Variants in CNTNAP2 observed in about 807,000 individuals in gnomAD.
CNTNAP2 encodes the protein contactin-associated protein-like 2.
Under a neutral mutation model 155.2 loss-of-function variants are expected in CNTNAP2, and 98 were observed. The observed-to-expected ratio is 0.63, with a 90% CI of 0.54 to 0.75. The LOEUF (loss-of-function observed/expected upper bound fraction) is 0.75. Among genes scored for constraint, CNTNAP2 ranks in the 30% least tolerant of loss-of-function variants. CNTNAP2 has a pLI of 0.00. For synonymous variants in CNTNAP2, 651 were observed against 631.2 expected, an observed-to-expected ratio of 1.03 and a Z score of -0.47; for missense variants, 1,727 against 1,688.1, an observed-to-expected ratio of 1.02 and a Z score of -0.40.
chr7:146,718,198 A>G (rs1252542564), intron 1 of CNTNAP2, among the ~76,000 whole-genome samples: 1 of 152,176 alleles, frequency 6.6e-6, no homozygotes, highest in African/African-American at 2.4e-5. Flanking sequence ...ACTGACCTAA[A>G]TATTTACACT....
In CNTNAP2 at chr7:146,912,926, AC is replaced by A. The variant is rs1369396748; in HGVS notation, c.402+73023del. 2.0e-5 allele frequency among the ~76,000 whole-genome samples: 3 copies of A among 152,186 alleles called. No homozygotes were observed. In the East Asian group the frequency reaches 5.8e-4, roughly 29 times the overall value. On this transcript the variant is annotated intron_variant, in intron 3 of 23. Coordinates refer to ENST00000361727, the MANE Select transcript of CNTNAP2 (RefSeq NM_014141.6). ...AACATTTGATATACTCATATGTTAT[AC>A]GACAAGTAAACATTTCATTTGCTCC...
chr7:147,767,435 A>T (rs1186262472), intron 13 of CNTNAP2, among the ~76,000 whole-genome samples: 2 of 152,084 alleles, frequency 1.3e-5, no homozygotes, highest in African/African-American at 4.8e-5. Context: ...TAAATAATGG[A>T]TGCCACAAAT....
At chr7:147,775,678 A>G (rs1027123850) in intron 13 of CNTNAP2, among the ~76,000 whole-genome samples, 7 of 151,864 alleles carry the variant, frequency 4.6e-5, no homozygotes, top group African/African-American at 1.7e-4. Context: ...ACAGCTGCTC[A>G]AAAGCTATTA....
intron 1 of CNTNAP2, among the ~76,000 whole-genome samples, chr7:146,721,114 C>T (rs1389750427): frequency 8.0e-6 from 1 of 125,188 alleles, no homozygotes; most frequent in Non-Finnish European, 1.6e-5. Context: ...TATATATATT[C>T]TCTCTATATA....
chr7:147,426,053 T>C (rs1403226417), intron 10 of CNTNAP2, among the ~76,000 whole-genome samples: 4 of 152,090 alleles, frequency 2.6e-5, no homozygotes, highest in Admixed American at 2.0e-4. Flanking sequence ...AATTTGTAAA[T>C]GGTAATTTTA....
chr7:147,233,493 C>T (rs1803730375), intron 8 of CNTNAP2, among the ~76,000 whole-genome samples: 1 of 151,662 alleles, frequency 6.6e-6, no homozygotes, highest in Non-Finnish European at 1.5e-5. Context: ...TGAACACCTA[C>T]TTTAATGATT....
intron 13 of CNTNAP2, among the ~76,000 whole-genome samples, chr7:147,777,674 C>A (rs1268302106): frequency 2.6e-5 from 4 of 152,156 alleles, no homozygotes; most frequent in Non-Finnish European, 5.9e-5. Context: ...ATAGTGGCCC[C>A]ATATATTTTC....
At chr7:147,905,914 C>A (rs2708262) in intron 14 of CNTNAP2, among the ~76,000 whole-genome samples, 123,339 of 145,892 alleles carry the variant, frequency 0.85, 52,288 homozygotes, top group East Asian at 0.96. Context: ...AACAAACAAA[C>A]AAAAAAAAAC....
intron 3 of CNTNAP2, among the ~76,000 whole-genome samples, chr7:147,009,332 CTGAT>C (rs1185178332): frequency 6.6e-6 from 1 of 152,048 alleles, no homozygotes; most frequent in Non-Finnish European, 1.5e-5. Flanking sequence ...AACCTAATGT[CTGAT>C]TGAGAAAAGG....
chr7:148,084,823 T>C (rs1426432628), intron 15 of CNTNAP2, among the ~76,000 whole-genome samples: 1 of 152,210 alleles, frequency 6.6e-6, no homozygotes, highest in African/African-American at 2.4e-5. Flanking sequence ...GAACTGACAT[T>C]GTTTGTTTAA....
At chr7:148,274,155 C>T (rs1407349981) in intron 21 of CNTNAP2, among the ~76,000 whole-genome samples, 1 of 152,100 alleles carries the variant, frequency 6.6e-6, no homozygotes, top group African/African-American at 2.4e-5. Flanking sequence ...GACTGACAAG[C>T]CTAAGACAGT....
chr7:147,060,345 A>G (rs547880419), intron 4 of CNTNAP2, among the ~76,000 whole-genome samples: 1 of 152,364 alleles, frequency 6.6e-6, no homozygotes, highest in South Asian at 2.1e-4. Context: ...TGGCAACAAC[A>G]ACAAAAATAT....
At chr7:146,456,001 T>C (rs1796549143) in intron 1 of CNTNAP2, among the ~76,000 whole-genome samples, 1 of 152,122 alleles carries the variant, frequency 6.6e-6, no homozygotes, top group Non-Finnish European at 1.5e-5. Context: ...TGATATGAAA[T>C]CTGAGCACAT....
At position 146,565,603 on chromosome 7, in the gene CNTNAP2, A is replaced by G. The variant is rs62481790; in HGVS notation, c.98-208668A>G. On this transcript the variant is annotated intron_variant, in intron 1 of 23. Transcript: ENST00000361727. ...AAAATCAGTGGAAAGCTAGTGAATAAGACTGATTAGATGCAGAAAACCACT... is the reference window on the plus strand; with the variant it reads ...AAAATCAGTGGAAAGCTAGTGAATAGGACTGATTAGATGCAGAAAACCACT... Among the ~76,000 whole-genome samples, 1,055 of 152,346 alleles carry G rather than the reference A, an allele frequency of 6.9e-3. 8 individuals are homozygous for G. The highest frequency in any genetic ancestry group is 0.013 in the Non-Finnish European group (874 of 68,030).
Position 146,933,671 on chromosome 7 carries a change from A to T in CNTNAP2, c.402+93767A>T, listed in dbSNP as rs1314053197. Among the ~76,000 whole-genome samples the T allele has an allele frequency of 2.0e-5, 3 of 149,218 alleles. No homozygotes were observed. The East Asian group carries it at 5.8e-4, about 29-fold the overall frequency. On this transcript the variant is annotated intron_variant, in intron 3 of 23. Transcript: ENST00000361727. ...CAGGCAACCTACAAAATGGGAGAAAATTTTCGCAACCTACTCATCTGACAA... is the reference window on the plus strand; with the variant it reads ...CAGGCAACCTACAAAATGGGAGAAATTTTTCGCAACCTACTCATCTGACAA...
intron 1 of CNTNAP2, among the ~76,000 whole-genome samples, chr7:146,683,529 T>C (rs988669006): frequency 4.6e-5 from 7 of 152,220 alleles, no homozygotes; most frequent in Non-Finnish European, 1.0e-4. Flanking sequence ...CATTGGAAAT[T>C]CTGTGTGTCA....
chr7:147,415,381 C>A (rs1217659169), intron 10 of CNTNAP2, among the ~76,000 whole-genome samples: 1 of 152,182 alleles, frequency 6.6e-6, no homozygotes, highest in Non-Finnish European at 1.5e-5. Flanking sequence ...ATAATCCCCA[C>A]GTGTCAAGGG....
intron 13 of CNTNAP2, among the ~76,000 whole-genome samples, chr7:147,860,664 C>G (rs1285955714): frequency 6.6e-6 from 1 of 151,966 alleles, no homozygotes; most frequent in Non-Finnish European, 1.5e-5. Context: ...TAAGACATGC[C>G]TTGATTCCCC....
intron 13 of CNTNAP2, among the ~76,000 whole-genome samples, chr7:147,743,188 T>C (rs574898061): frequency 6.6e-6 from 1 of 152,240 alleles, no homozygotes; most frequent in South Asian, 2.1e-4. Flanking sequence ...CCCTAGTAGC[T>C]CCTCCATTAC....
Sources: allele counts gnomAD v4.1 joint callset (sites outside exome capture counted in the v4.1 genomes callset), GRCh38; gene constraint gnomAD v4.1.1; transcripts MANE v1.5; gene names NCBI Gene and HGNC (gene_info 2026-07-23, HGNC 2026-07-21).